ABCA4: variants seen among roughly 807,000 people sequenced by gnomAD.
The protein encoded by ABCA4 is retinal-specific phospholipid-transporting ATPase ABCA4.
In ABCA4, 196 loss-of-function variants were observed where a neutral mutation model predicts 263.7. The observed-to-expected ratio is 0.74, with a 90% CI of 0.66 to 0.84. The LOEUF is 0.84. Among genes scored for constraint, ABCA4 ranks in the 40% least tolerant of loss-of-function variants. ABCA4 has a pLI of 0.00. For missense variants in ABCA4, 2,792 were observed against 2,855.1 expected, an observed-to-expected ratio of 0.98 and a Z score of 0.50; for synonymous variants, 1,133 against 1,094.2, an observed-to-expected ratio of 1.04 and a Z score of -0.70.
chr1:94,025,882 A>G (rs1432471662), intron 30 of ABCA4, among the ~76,000 whole-genome samples: 1 of 152,206 alleles, frequency 6.6e-6, no homozygotes, highest in Non-Finnish European at 1.5e-5. Flanking sequence ...TTGTGTCCCC[A>G]GCACCCAGAA....
chr1:94,079,328 C>T lies in ABCA4; in HGVS notation c.1233G>A (p.Leu411=). The T allele has an allele frequency of 1.2e-6, 2 of 1,614,156 alleles. No individual in the cohort carries two copies. The highest frequency in any genetic ancestry group is 1.7e-6 in the Non-Finnish European group (2 of 1,180,024). The part of the protein sequence containing the change: ...TPDSPAARRI[L]KNANSTFEEL... The stretch of plus-strand genomic sequence containing the variant: ...AGCCCAGCTGGGATCTTACATTCTT[C>T]AGTATCCTTCGTGCTGCAGGTGAAT... Residue 411 remains leucine (L), a synonymous_variant, in exon 9 of 50, where the codon CTG becomes CTA. Coordinates refer to ENST00000370225, the MANE Select transcript of ABCA4 (RefSeq NM_000350.3).
intron 48 of ABCA4, among the ~76,000 whole-genome samples, chr1:93,997,329 C>T (rs1318655462): frequency 1.3e-5 from 2 of 152,110 alleles, no homozygotes; most frequent in East Asian, 3.8e-4. Flanking sequence ...ATGAACACAG[C>T]TCATTGCAGC....
At chr1:94,120,437 C>T (rs1662917172) in intron 1 of ABCA4, among the ~76,000 whole-genome samples, 1 of 152,144 alleles carries the variant, frequency 6.6e-6, no homozygotes, top group Non-Finnish European at 1.5e-5. Flanking sequence ...CTTTTCTGCA[C>T]CACTAAGAAA....
intron 26 of ABCA4, among the ~76,000 whole-genome samples, chr1:94,036,270 A>T (rs1660333340): frequency 6.6e-6 from 1 of 150,862 alleles, no homozygotes; most frequent in Non-Finnish European, 1.5e-5. Flanking sequence ...TCAGTCTGTT[A>T]TTCCTTTGTC....
chr1:94,056,605 G>A lies in ABCA4; in HGVS notation c.2378C>T (p.Ala793Val). 1 of 1,612,686 alleles carries A rather than the reference G, an allele frequency of 6.2e-7. No homozygotes were observed. The highest frequency in any genetic ancestry group is 8.5e-7 in the Non-Finnish European group (1 of 1,179,964). Residue 793 changes from alanine (A) to valine (V), a missense_variant, in exon 15 of 50, where the codon GCT becomes GTT. Ala to Val is a moderately conservative substitution (Grantham distance 64). Coordinates refer to ENST00000370225, the MANE Select transcript of ABCA4 (RefSeq NM_000350.3). ...QDRMTAELKK[A>V]VSLLSPVAFG... ...GGGCCAGCCCAAGGGCCTCACCACA[G>A]CCTTCTTCAGCTCAGCGGTCATGCG...
At chr1:94,009,114 G>A (rs1480146986) in intron 40 of ABCA4, among the ~76,000 whole-genome samples, 3 of 152,040 alleles carry the variant, frequency 2.0e-5, no homozygotes, top group Non-Finnish European at 2.9e-5. Context: ...GTGATCTTGG[G>A]CATTGGACCT....
intron 30 of ABCA4, among the ~76,000 whole-genome samples, chr1:94,025,326 C>T (rs1336458851): frequency 6.6e-6 from 1 of 152,194 alleles, no homozygotes; most frequent in Non-Finnish European, 1.5e-5. Flanking sequence ...TGCCACGCTA[C>T]CCAAGCCACC....
chr1:94,030,661 G>A (rs988468733), intron 28 of ABCA4, 135 bp from the exon 29 acceptor site: 2 of 898,180 alleles, frequency 2.2e-6, no homozygotes, highest in South Asian at 2.8e-5. Flanking sequence ...GATGGCGCTA[G>A]CTCTCCTGGG....
intron 48 of ABCA4, 128 bp from the exon 49 acceptor site, chr1:93,996,323 A>G: frequency 1.3e-6 from 1 of 778,804 alleles, no homozygotes; most frequent in Non-Finnish European, 2.2e-6. Flanking sequence ...CTTGTGTCCT[A>G]CCCGGGGGAG....
chr1:94,096,321 G>A (rs954347139), intron 6 of ABCA4, among the ~76,000 whole-genome samples: 1 of 152,158 alleles, frequency 6.6e-6, no homozygotes, highest in Non-Finnish European at 1.5e-5. Flanking sequence ...CGCTCGGGGG[G>A]ACAAATGCTG....
intron 26 of ABCA4, among the ~76,000 whole-genome samples, chr1:94,035,234 G>T (rs1660308108): frequency 6.6e-6 from 1 of 152,204 alleles, no homozygotes; most frequent in Admixed American, 6.5e-5. Flanking sequence ...ATCCAGCAAA[G>T]CTTCTGATAT....
chr1:94,076,461 T>C (rs1661538741), intron 11 of ABCA4, among the ~76,000 whole-genome samples: 1 of 152,230 alleles, frequency 6.6e-6, no homozygotes, highest in African/African-American at 2.4e-5. Flanking sequence ...CACCAATAAA[T>C]GCTTTCTTTT....
intron 6 of ABCA4, among the ~76,000 whole-genome samples, chr1:94,089,714 G>A (rs904664038): frequency 2.0e-5 from 3 of 151,862 alleles, no homozygotes; most frequent in African/African-American, 4.8e-5. Context: ...CGTCTGCCTC[G>A]GCCTCCCAAA....
chr1:94,079,218 TGA>T, intron 9 of ABCA4, 102 bp downstream of exon 9: 2 of 1,526,152 alleles, frequency 1.3e-6, no homozygotes, highest in Non-Finnish European at 1.8e-6. Flanking sequence ...AAAACAAACA[TGA>T]GATGTGCTAC....
chr1:94,049,056 T>C (rs1660766435), intron 17 of ABCA4, 99 bp from the exon 18 acceptor site: 1 of 1,158,474 alleles, frequency 8.6e-7, no homozygotes, highest in African/African-American at 1.5e-5. Flanking sequence ...ATGAGTTTCC[T>C]AGCCAGCCTT....
intron 1 of ABCA4, among the ~76,000 whole-genome samples, chr1:94,118,059 C>T (rs758179915): frequency 9.2e-5 from 14 of 152,134 alleles, no homozygotes; most frequent in East Asian, 1.9e-4. Context: ...TGTGGTGTAA[C>T]GGCCATGCCT....
chr1:93,995,989 G>A, intron 49 of ABCA4, 120 bp downstream of exon 49: 1 of 825,520 alleles, frequency 1.2e-6, no homozygotes. Flanking sequence ...ACCGTGGTGT[G>A]GGTGGGGCTC....
chr1:94,005,905 A>T (rs570972248), intron 43 of ABCA4, among the ~76,000 whole-genome samples: 2 of 152,364 alleles, frequency 1.3e-5, no homozygotes, highest in African/African-American at 4.8e-5. Context: ...AAAATGATTC[A>T]TGATTTATCA....
At position 94,023,514 on chromosome 1, in the gene ABCA4, A is replaced by G. The variant is rs573692041; in HGVS notation, c.4635-96T>C. 116 of 1,110,296 alleles carry G rather than the reference A, an allele frequency of 1.0e-4. No individual in the cohort carries two copies. The East Asian group carries it at 2.7e-3, about 26-fold the overall frequency. 68.8% of individuals were successfully genotyped at this position (1,110,296 alleles called of 1,614,324 possible). A position where few individuals can be genotyped will look rare whatever the true frequency, so the allele number is the denominator to read the frequency against. On this transcript the variant is annotated intron_variant, in intron 31 of 49. Coordinates refer to ENST00000370225, the MANE Select transcript of ABCA4 (RefSeq NM_000350.3). ...CATTCATTTTGAAGACTGAAGTCTC[A>G]GTCTTCAGGGGCATTTTTGCATTTT...
Sources: allele counts gnomAD v4.1 joint callset (sites outside exome capture counted in the v4.1 genomes callset), GRCh38; gene constraint gnomAD v4.1.1; transcripts MANE v1.5; gene names NCBI Gene and HGNC (gene_info 2026-07-23, HGNC 2026-07-21).